NBAS: variants seen among roughly 807,000 people sequenced by gnomAD.
NBAS encodes the protein NAG/BC035112 fusion.
A neutral mutation model predicts 302.5 loss-of-function variants in NBAS; 219 were observed. That is an observed-to-expected ratio of 0.72 (90% CI 0.65 to 0.81). The LOEUF (loss-of-function observed/expected upper bound fraction) is 0.81. NBAS is among the 30% of genes least tolerant of loss of function. The pLI is 0.00. For missense variants in NBAS, 2,932 were observed against 2,841.6 expected (o/e 1.03, Z -0.72); for synonymous variants, 1,118 against 1,021.6 (o/e 1.09, Z -1.80).
chr2:15,152,575 G>A, the NBAS span, among the ~76,000 whole-genome samples: 1 of 152,166 alleles, frequency 6.6e-6, no homozygotes, highest in African/African-American at 2.4e-5. Flanking sequence ...TGAGGTAAAT[G>A]CCAAGCTGTC....
the NBAS span, among the ~76,000 whole-genome samples, chr2:15,120,852 G>A: frequency 2.0e-5 from 3 of 152,192 alleles, no homozygotes; most frequent in Admixed American, 2.0e-4. Context: ...GTTGCTGCAG[G>A]CATCCTTGGA....
At chr2:14,892,031 T>C in the NBAS span, among the ~76,000 whole-genome samples, 1 of 152,220 alleles carries the variant, frequency 6.6e-6, no homozygotes, top group Non-Finnish European at 1.5e-5. Context: ...CGACTGACTT[T>C]TCCTTCCACT....
the NBAS span, among the ~76,000 whole-genome samples, chr2:15,006,331 G>A: frequency 1.4e-4 from 21 of 152,142 alleles, no homozygotes; most frequent in Non-Finnish European, 1.8e-4. Flanking sequence ...TTTTATGCAC[G>A]ATGATGTTCA....
intron 11 of NBAS, among the ~76,000 whole-genome samples, chr2:15,491,899 A>T (rs1680871786): frequency 6.6e-6 from 1 of 152,202 alleles, no homozygotes; most frequent in Non-Finnish European, 1.5e-5. Flanking sequence ...CTATGAATCT[A>T]AGAAAGGAAA....
At chr2:14,806,838 C>G in the NBAS span, among the ~76,000 whole-genome samples, 1 of 152,176 alleles carries the variant, frequency 6.6e-6, no homozygotes, top group African/African-American at 2.4e-5. Flanking sequence ...ATGAGCCAAT[C>G]CTGATTATTC....
At chr2:14,958,994 C>A in the NBAS span, among the ~76,000 whole-genome samples, 1 of 151,968 alleles carries the variant, frequency 6.6e-6, no homozygotes, top group Non-Finnish European at 1.5e-5. Context: ...CTTGGGTGAC[C>A]CACATTTAGG....
chr2:14,903,071 A>T, the NBAS span, among the ~76,000 whole-genome samples: 1 of 152,192 alleles, frequency 6.6e-6, no homozygotes, highest in Non-Finnish European at 1.5e-5. Context: ...ATGAAAAAAA[A>T]AAATGAAAAA....
chr2:14,809,981 C>A, the NBAS span, among the ~76,000 whole-genome samples: 1 of 152,238 alleles, frequency 6.6e-6, no homozygotes, highest in Non-Finnish European at 1.5e-5. Flanking sequence ...TTGCATGGGG[C>A]TTGCAGCCCC....
chr2:14,888,757 C>A, the NBAS span, among the ~76,000 whole-genome samples: 1 of 152,130 alleles, frequency 6.6e-6, no homozygotes, highest in African/African-American at 2.4e-5. Flanking sequence ...TTCTTAAGGT[C>A]TAAGTCAGAT....
chr2:15,455,448 A>G (rs1218573564), intron 21 of NBAS, among the ~76,000 whole-genome samples: 1 of 152,208 alleles, frequency 6.6e-6, no homozygotes. Flanking sequence ...GGTGAATAGT[A>G]TATAAGAATT....
At chr2:14,859,853 CT>C in the NBAS span, among the ~76,000 whole-genome samples, 1 of 152,000 alleles carries the variant, frequency 6.6e-6, no homozygotes, top group African/African-American at 2.4e-5. Flanking sequence ...AGCTAAAAAG[CT>C]TCTCCACAGC....
At chr2:14,901,749 C>T in the NBAS span, among the ~76,000 whole-genome samples, 1 of 152,324 alleles carries the variant, frequency 6.6e-6, no homozygotes, top group African/African-American at 2.4e-5. Context: ...ACACAGCCCA[C>T]AGCCCTCACA....
At chr2:14,978,402 G>A in the NBAS span, among the ~76,000 whole-genome samples, 1 of 152,182 alleles carries the variant, frequency 6.6e-6, no homozygotes, top group South Asian at 2.1e-4. Context: ...CCTGCCTAGT[G>A]AAGCTTAGAA....
chr2:15,319,190 T>C (rs1047111813), intron 38 of NBAS, among the ~76,000 whole-genome samples: 3 of 152,188 alleles, frequency 2.0e-5, no homozygotes, highest in Admixed American at 1.3e-4. Context: ...AAGATGTTCT[T>C]TGAAACCAGT....
At chr2:14,856,791 C>G in the NBAS span, among the ~76,000 whole-genome samples, 1 of 151,884 alleles carries the variant, frequency 6.6e-6, no homozygotes, top group Non-Finnish European at 1.5e-5. Context: ...TGAAACAAGC[C>G]TAAAAGATCT....
chr2:15,407,805 C>T (rs1676490423), intron 25 of NBAS, among the ~76,000 whole-genome samples: 1 of 152,150 alleles, frequency 6.6e-6, no homozygotes, highest in Admixed American at 6.5e-5. Context: ...ACAAATTTAT[C>T]CTCTTACAGT....
At chr2:15,105,256 CAG>C in the NBAS span, among the ~76,000 whole-genome samples, 1 of 151,810 alleles carries the variant, frequency 6.6e-6, no homozygotes, top group African/African-American at 2.4e-5. Flanking sequence ...CGGGGCCTGT[CAG>C]GGGGTGGGAG....
At chr2:14,962,096 G>A in the NBAS span, among the ~76,000 whole-genome samples, 24 of 152,164 alleles carry the variant, frequency 1.6e-4, no homozygotes, top group South Asian at 6.2e-4. Context: ...TTTCTATATC[G>A]TCCCAAAACT....
At chr2:14,859,648 C>T in the NBAS span, among the ~76,000 whole-genome samples, 1 of 152,182 alleles carries the variant, frequency 6.6e-6, no homozygotes, top group Admixed American at 6.5e-5. Context: ...AAGAATGAAA[C>T]TAGCCTCCTG....
Sources: gnomAD v4.1 joint callset for allele counts (sites outside exome capture counted in the v4.1 genomes callset) on GRCh38, gnomAD v4.1.1 for gene constraint, MANE v1.5 for transcripts, NCBI Gene and HGNC (gene_info 2026-07-23, HGNC 2026-07-21) for gene names.